The following FRMD3 variants were observed in gnomAD, a reference collection of about 807,000 sequenced individuals.
The protein encoded by FRMD3 is FERM domain containing 3, also known as FERM domain-containing protein 3.
Under a neutral mutation model 70.2 loss-of-function variants are expected in FRMD3, and 33 were observed. The observed-to-expected ratio is 0.47, with a 90% CI of 0.36 to 0.63. FRMD3 has a LOEUF of 0.63. FRMD3 is among the 20% of genes least tolerant of loss of function. The pLI is 0.00. For missense variants in FRMD3, 632 were observed against 711.4 expected, an observed-to-expected ratio of 0.89 and a Z score of 1.27; for synonymous variants, 279 against 255.9, an observed-to-expected ratio of 1.09 and a Z score of -0.86.
At chr9:83,453,150 C>T (rs1431654367) in intron 1 of FRMD3, among the ~76,000 whole-genome samples, 1 of 152,134 alleles carries the variant, frequency 6.6e-6, no homozygotes, top group Non-Finnish European at 1.5e-5. Context: ...GCCACTGCAC[C>T]TGGCCTAAAA....
chr9:83,405,853 T>A (rs1826086945), intron 1 of FRMD3, among the ~76,000 whole-genome samples: 1 of 152,172 alleles, frequency 6.6e-6, no homozygotes, highest in South Asian at 2.1e-4. Context: ...GTTTTTAGTT[T>A]GACAGTTTGT....
chr9:83,576,505 T>C, the FRMD3 span, among the ~76,000 whole-genome samples: 1 of 152,142 alleles, frequency 6.6e-6, no homozygotes, highest in East Asian at 1.9e-4. Flanking sequence ...TAAACTTGTG[T>C]CATGGTGTTT....
At chr9:83,506,697 C>G (rs1419285820) in intron 1 of FRMD3, among the ~76,000 whole-genome samples, 5 of 152,136 alleles carry the variant, frequency 3.3e-5, no homozygotes, top group Non-Finnish European at 1.5e-5. Flanking sequence ...AGGCTACACT[C>G]AATTAATTTT....
intron 1 of FRMD3, among the ~76,000 whole-genome samples, chr9:83,421,298 C>T (rs964837934): frequency 6.6e-6 from 1 of 152,166 alleles, no homozygotes; most frequent in South Asian, 2.1e-4. Flanking sequence ...GCAACAGGAA[C>T]CAGACTAAGG....
At chr9:83,254,032 A>C (rs7024105) in intron 13 of FRMD3, among the ~76,000 whole-genome samples, 3 of 149,886 alleles carry the variant, frequency 2.0e-5, no homozygotes, top group Non-Finnish European at 4.5e-5. Context: ...ACCAAACACC[A>C]CATGTTCTCA....
chr9:83,298,372 G>T (rs1475248372), intron 12 of FRMD3, among the ~76,000 whole-genome samples: 1 of 152,200 alleles, frequency 6.6e-6, no homozygotes, highest in Non-Finnish European at 1.5e-5. Context: ...TCAGCCCGGA[G>T]TCAGGCCAAT....
chr9:83,430,426 G>A (rs922338442), intron 1 of FRMD3, among the ~76,000 whole-genome samples: 2 of 152,180 alleles, frequency 1.3e-5, no homozygotes, highest in African/African-American at 4.8e-5. Context: ...ACATGTAAAT[G>A]TATATCATGT....
the FRMD3 span, among the ~76,000 whole-genome samples, chr9:83,574,482 C>T: frequency 1.3e-5 from 2 of 152,156 alleles, no homozygotes; most frequent in African/African-American, 4.8e-5. Context: ...AATAGTACTC[C>T]ATGACACAAA....
chr9:83,325,737 T>G (rs1835987968), intron 6 of FRMD3, among the ~76,000 whole-genome samples: 1 of 152,204 alleles, frequency 6.6e-6, no homozygotes, highest in South Asian at 2.1e-4. Context: ...AGAATAGTGA[T>G]ATCTCCATTT....
At chr9:83,409,132 T>A (rs1826208008) in intron 1 of FRMD3, among the ~76,000 whole-genome samples, 1 of 152,154 alleles carries the variant, frequency 6.6e-6, no homozygotes, top group Admixed American at 6.5e-5. Context: ...GTCAACCTTT[T>A]CTCCACCAGG....
chr9:83,519,369 C>G (rs190069337), intron 1 of FRMD3, among the ~76,000 whole-genome samples: 4 of 152,048 alleles, frequency 2.6e-5, no homozygotes, highest in African/African-American at 9.7e-5. Flanking sequence ...GACATTTATG[C>G]GGCCGCCAAA....
chr9:83,538,223 G>A lies in FRMD3; in HGVS notation c.9C>T (p.Ala3=), dbSNP rs939985681. The A allele has an allele frequency of 6.4e-6, 10 of 1,574,472 alleles. No individual in the cohort carries two copies. Among genetic ancestry groups the A allele is most frequent in the African/African-American group, 1.3e-5 (1 of 74,200 alleles). MF[A]SCHCVPRGRR... is the part of the protein sequence containing the mutation. ...TGCCTCTCGGCACACAGTGGCAGGA[G>A]GCGAACATGCACCGCGGCCGTGGGG... The change falls in exon 1 of 14, where the codon GCC becomes GCT. Residue 3 remains alanine, a synonymous_variant. Coordinates refer to ENST00000304195, the MANE Select transcript of FRMD3 (RefSeq NM_174938.6). This position sits in a 1 kb window ranked among gnomAD's most constrained non-coding sequence, Gnocchi z 4.7.
At chr9:83,451,608 C>G (rs1827659811) in intron 1 of FRMD3, among the ~76,000 whole-genome samples, 1 of 152,156 alleles carries the variant, frequency 6.6e-6, no homozygotes. Context: ...TAGCTTGTTA[C>G]AGGATGTGCT....
At chr9:83,511,711 T>C (rs111802289) in intron 1 of FRMD3, among the ~76,000 whole-genome samples, 2,082 of 152,256 alleles carry the variant, frequency 0.014, 57 homozygotes, top group African/African-American at 0.048. Context: ...TAGAATTCAA[T>C]GCAGGGAAGC....
chr9:83,381,720 TA>T (rs1350530075), intron 2 of FRMD3, among the ~76,000 whole-genome samples: 8 of 151,684 alleles, frequency 5.3e-5, no homozygotes, highest in Non-Finnish European at 7.4e-5. Context: ...AGGAAGTCTT[TA>T]AAAAAAAGCA....
chr9:83,370,972 T>C (rs1355529860), intron 3 of FRMD3, among the ~76,000 whole-genome samples: 1 of 152,184 alleles, frequency 6.6e-6, no homozygotes, highest in African/African-American at 2.4e-5. Context: ...AAAATGCTCT[T>C]AAACGCTAAA....
chr9:83,468,507 G>C (rs35928246), intron 1 of FRMD3, among the ~76,000 whole-genome samples: 50,392 of 152,028 alleles, frequency 0.33, 8,740 homozygotes, highest in Middle Eastern at 0.4. Context: ...GAGTCGGACA[G>C]AACTTCAGGT....
intron 6 of FRMD3, among the ~76,000 whole-genome samples, chr9:83,334,246 C>A (rs1823500498): frequency 6.6e-6 from 1 of 152,164 alleles, no homozygotes; most frequent in South Asian, 2.1e-4. Context: ...TTCAACAAGG[C>A]TTTTCATTAG....
intron 1 of FRMD3, among the ~76,000 whole-genome samples, chr9:83,408,269 CA>C (rs1826183319): frequency 6.6e-6 from 1 of 152,158 alleles, no homozygotes; most frequent in Non-Finnish European, 1.5e-5. Flanking sequence ...AAGAAAGGAA[CA>C]AGCTGTATGA....
Sources: gnomAD v4.1 joint callset for allele counts (sites outside exome capture counted in the v4.1 genomes callset) on GRCh38, gnomAD v4.1.1 for gene constraint, Gnocchi (gnomAD v3.1) non-coding constraint, MANE v1.5 for transcripts, NCBI Gene and HGNC (gene_info 2026-07-23, HGNC 2026-07-21) for gene names.